MAP3K5: variants seen among roughly 807,000 people sequenced by gnomAD.
MAP3K5 encodes the protein mitogen-activated protein kinase kinase kinase 5.
Under a neutral mutation model 158.7 loss-of-function variants are expected in MAP3K5, and 56 were observed. That is an observed-to-expected ratio of 0.35 (90% CI 0.28 to 0.44). MAP3K5 has a LOEUF of 0.44. MAP3K5 is among the 20% of genes least tolerant of loss of function. The pLI, the probability that MAP3K5 is intolerant of heterozygous loss-of-function variation, is 1.00. For missense variants in MAP3K5, 1,294 were observed against 1,674.8 expected, an observed-to-expected ratio of 0.77 and a Z score of 3.97; for synonymous variants, 579 against 601.7, an observed-to-expected ratio of 0.96 and a Z score of 0.55.
At chr6:136,790,801 G>A (rs1411019884) in intron 1 of MAP3K5, among the ~76,000 whole-genome samples, 2 of 152,118 alleles carry the variant, frequency 1.3e-5, no homozygotes, top group East Asian at 3.9e-4. Context: ...GGACGTACAG[G>A]GGACTAAAGG....
intron 1 of MAP3K5, among the ~76,000 whole-genome samples, chr6:136,789,430 C>G (rs1784977400): frequency 6.6e-6 from 1 of 152,144 alleles, no homozygotes; most frequent in African/African-American, 2.4e-5. Flanking sequence ...GGAGTTCATG[C>G]CATCCAGATG....
chr6:136,659,080 A>C lies in MAP3K5; in HGVS notation c.1526+139T>G. 3 of 783,258 alleles carry C rather than the reference A, an allele frequency of 3.8e-6. No homozygotes were observed. The South Asian group carries it at 5.8e-5, about 15-fold the overall frequency. 48.5% of individuals were successfully genotyped at this position (783,258 alleles called of 1,614,324 possible). A position where few individuals can be genotyped will look rare whatever the true frequency, so the allele number is the denominator to read the frequency against. ...AATTGATGTGTAACACGTTTTATGA[A>C]TATCACAATTTTCCTCTATATTCTG... is the stretch of plus-strand genomic sequence containing the variant. On this transcript the variant is annotated intron_variant, in intron 9 of 29. Transcript: ENST00000359015.
chr6:136,752,482 G>A (rs761623825), intron 1 of MAP3K5, among the ~76,000 whole-genome samples: 11 of 152,252 alleles, frequency 7.2e-5, no homozygotes, highest in Non-Finnish European at 1.6e-4. Flanking sequence ...CGTGATCTTG[G>A]CTCACTGCAA....
intron 8 of MAP3K5, among the ~76,000 whole-genome samples, chr6:136,665,901 T>C (rs1015919542): frequency 1.1e-4 from 17 of 152,132 alleles, no homozygotes; most frequent in Non-Finnish European, 4.4e-5. Flanking sequence ...TCACTGAAAA[T>C]GATATTTAAA....
intron 9 of MAP3K5, among the ~76,000 whole-genome samples, chr6:136,658,778 CTAAG>C (rs1221589770): frequency 6.6e-6 from 1 of 152,054 alleles, no homozygotes; most frequent in African/African-American, 2.4e-5. Flanking sequence ...CAGTCAAATC[CTAAG>C]TAAGAAGAAA....
chr6:136,734,717 A>G (rs557668074), intron 1 of MAP3K5, among the ~76,000 whole-genome samples: 2 of 152,220 alleles, frequency 1.3e-5, no homozygotes, highest in Admixed American at 1.3e-4. Flanking sequence ...GGTCTATGTC[A>G]TTTGTTTTTT....
intron 2 of MAP3K5, among the ~76,000 whole-genome samples, chr6:136,715,208 G>A (rs1359151855): frequency 1.3e-5 from 2 of 151,902 alleles, no homozygotes; most frequent in Admixed American, 6.6e-5. Context: ...GTGCAGAAAG[G>A]GAAATATCCA....
chr6:136,589,933 G>T (rs1775311301), intron 23 of MAP3K5, among the ~76,000 whole-genome samples: 1 of 152,138 alleles, frequency 6.6e-6, no homozygotes, highest in South Asian at 2.1e-4. Context: ...GATGTGATTT[G>T]TCCTGTCAAA....
chr6:136,635,390 T>C (rs1052221077), intron 14 of MAP3K5, among the ~76,000 whole-genome samples: 1 of 152,130 alleles, frequency 6.6e-6, no homozygotes, highest in Non-Finnish European at 1.5e-5. Flanking sequence ...AAATAAAAAA[T>C]TGTAAAATAT....
intron 23 of MAP3K5, among the ~76,000 whole-genome samples, chr6:136,589,612 C>T (rs531850860): frequency 9.5e-4 from 145 of 152,210 alleles, no homozygotes; most frequent in African/African-American, 3.3e-3. Context: ...GAGACAGGGC[C>T]TCAAAAGGGA....
At chr6:136,784,481 C>T (rs975870810) in intron 1 of MAP3K5, among the ~76,000 whole-genome samples, 4 of 152,142 alleles carry the variant, frequency 2.6e-5, no homozygotes, top group Non-Finnish European at 5.9e-5. Flanking sequence ...TGCCAGGGAA[C>T]GTGAACAGCT....
At chr6:136,712,029 T>C (rs1781329649) in intron 2 of MAP3K5, among the ~76,000 whole-genome samples, 1 of 152,136 alleles carries the variant, frequency 6.6e-6, no homozygotes, top group Non-Finnish European at 1.5e-5. Context: ...CTAAAAGGAA[T>C]TCTAGCCTCT....
chr6:136,595,900 C>T (rs1423523337), intron 21 of MAP3K5, among the ~76,000 whole-genome samples: 2 of 152,040 alleles, frequency 1.3e-5, no homozygotes, highest in South Asian at 2.1e-4. Flanking sequence ...GTGACAGCTA[C>T]TCAGGAGGCT....
intron 2 of MAP3K5, among the ~76,000 whole-genome samples, chr6:136,714,324 A>G (rs1246723536): frequency 2.0e-5 from 3 of 152,318 alleles, no homozygotes; most frequent in East Asian, 1.9e-4. Flanking sequence ...AAATTTACAC[A>G]TGGACATCAC....
At chr6:136,765,536 A>G (rs1783927344) in intron 1 of MAP3K5, among the ~76,000 whole-genome samples, 1 of 151,430 alleles carries the variant, frequency 6.6e-6, no homozygotes, top group African/African-American at 2.4e-5. Flanking sequence ...TTTTTGAGAC[A>G]GAGTCTCGCT....
intron 7 of MAP3K5, among the ~76,000 whole-genome samples, chr6:136,685,861 G>A (rs1780124632): frequency 6.6e-6 from 1 of 152,178 alleles, no homozygotes; most frequent in Admixed American, 6.5e-5. Context: ...TATCTGGCCA[G>A]ATGCCTGACA....
intron 7 of MAP3K5, among the ~76,000 whole-genome samples, chr6:136,682,318 G>A (rs1203548349): frequency 1.3e-5 from 2 of 152,142 alleles, no homozygotes; most frequent in African/African-American, 4.8e-5. Flanking sequence ...GGGGAGAGAG[G>A]GGGAAGGAGG....
At chr6:136,572,690 C>T (rs376767265) in intron 25 of MAP3K5, among the ~76,000 whole-genome samples, 74 of 152,176 alleles carry the variant, frequency 4.9e-4, no homozygotes, top group East Asian at 3.5e-3. Context: ...GTATATATGA[C>T]GTAAAAAATT....
intron 2 of MAP3K5, among the ~76,000 whole-genome samples, chr6:136,718,556 A>G (rs919892893): frequency 3.9e-5 from 6 of 152,210 alleles, no homozygotes; most frequent in Non-Finnish European, 7.3e-5. Context: ...TGAATACTCA[A>G]TAAGAAGCAG....
Sources: gnomAD v4.1 joint callset for allele counts (sites outside exome capture counted in the v4.1 genomes callset) on GRCh38, gnomAD v4.1.1 for gene constraint, MANE v1.5 for transcripts, NCBI Gene and HGNC (gene_info 2026-07-23, HGNC 2026-07-21) for gene names.